FHL2: variants seen among roughly 807,000 people sequenced by gnomAD.
FHL2 encodes four and a half LIM domains 2, also known as four and a half LIM domains protein 2.
Under a neutral mutation model 32.7 loss-of-function variants are expected in FHL2, and 20 were observed. The ratio of observed to expected loss-of-function variants is 0.61; its 90% CI spans 0.43 to 0.89. FHL2 has a LOEUF of 0.89. Among genes scored for constraint, FHL2 ranks in the 40% least tolerant of loss-of-function variants. The probability of loss-of-function intolerance (pLI) is 0.00; values close to 1 mark genes in which losing one functional copy is unlikely to be tolerated. For missense variants in FHL2, 311 were observed against 358.6 expected (o/e 0.87, Z 1.07); for synonymous variants, 123 against 128.1 (o/e 0.96, Z 0.27).
intron 1 of FHL2, among the ~76,000 whole-genome samples, chr2:105,411,437 C>A (rs1683785172): frequency 1.3e-5 from 2 of 151,112 alleles, no homozygotes; most frequent in Admixed American, 1.3e-4. Context: ...GCTTGATAAA[C>A]CTTGTCTCTT....
At chr2:105,435,228 C>T (rs1684571053) in intron 1 of FHL2, among the ~76,000 whole-genome samples, 2 of 151,990 alleles carry the variant, frequency 1.3e-5, no homozygotes, top group South Asian at 4.1e-4. Flanking sequence ...TTTATTTAAC[C>T]ATACTTCACT....
chr2:105,373,954 A>C (rs1486757575), intron 3 of FHL2: 5 of 575,200 alleles, frequency 8.7e-6, no homozygotes, highest in Admixed American at 3.0e-5. Flanking sequence ...GGTTAGACAG[A>C]TGTGCATGTA....
chr2:105,418,756 G>A (rs1024045169), intron 1 of FHL2, among the ~76,000 whole-genome samples: 1 of 152,172 alleles, frequency 6.6e-6, no homozygotes, highest in Non-Finnish European at 1.5e-5. Flanking sequence ...CCACTGTGGG[G>A]CTGAAAATAG....
At chr2:105,370,715 A>C (rs1681002520) in intron 4 of FHL2, among the ~76,000 whole-genome samples, 1 of 152,198 alleles carries the variant, frequency 6.6e-6, no homozygotes, top group African/African-American at 2.4e-5. Context: ...CCAGGCAAGC[A>C]AGTGCTTTGA....
intron 1 of FHL2, among the ~76,000 whole-genome samples, chr2:105,422,736 G>C (rs925161103): frequency 6.6e-6 from 1 of 151,360 alleles, no homozygotes; most frequent in African/African-American, 2.4e-5. Flanking sequence ...TGCATCTTTA[G>C]GTTGATTTTT....
chr2:105,397,874 T>G (rs188242348), intron 1 of FHL2, among the ~76,000 whole-genome samples: 1 of 50,642 alleles, frequency 2.0e-5, no homozygotes, highest in African/African-American at 6.1e-5. Context: ...ATGGTTTTTG[T>G]TTTTTTGTTT....
At chr2:105,411,683 T>C (rs977199068) in intron 1 of FHL2, among the ~76,000 whole-genome samples, 4 of 150,096 alleles carry the variant, frequency 2.7e-5, no homozygotes, top group African/African-American at 9.8e-5. Flanking sequence ...CTACTCAAAA[T>C]ACAAAAATTA....
At chr2:105,397,821 A>G (rs1683240794) in intron 1 of FHL2, among the ~76,000 whole-genome samples, 1 of 152,164 alleles carries the variant, frequency 6.6e-6, no homozygotes, top group Non-Finnish European at 1.5e-5. Flanking sequence ...TTAAAGTTTA[A>G]TTGATAGACT....
At chr2:105,358,346 G>C (rs1396078151), downstream of FHL2, 1 of 152,390 alleles carries the variant, frequency 6.6e-6, no homozygotes, top group Non-Finnish European at 1.5e-5. Context: ...TGAGTGGGTT[G>C]ATAGCCGCTG....
In FHL2 at chr2:105,386,399, A is replaced by G; in HGVS notation, c.118T>C (p.Cys40Arg). 1 of 1,614,182 alleles carries G rather than the reference A, an allele frequency of 6.2e-7. No homozygotes were observed. Among genetic ancestry groups the G allele is most frequent in the Non-Finnish European group, 8.5e-7 (1 of 1,180,022 alleles). ...CCGATGGGCTTCCCACACTCCTCGC[A>G]GGTGTTGGCGAACAGGGTCTCAAAG... ...VCFETLFANT[C>R]EECGKPIGCD... The change falls in exon 3 of 7, where the codon TGC (cysteine) becomes CGC (arginine). Residue 40 changes from cysteine to arginine, a missense_variant. By Grantham distance (180) the Cys-to-Arg change is radical (BLOSUM62 -3). Coordinates refer to ENST00000530340, the MANE Select transcript of FHL2 (RefSeq NM_001318895.3).
rs533686224 is a variant in FHL2, at chr2:105,415,941, G to C, written c.-25+22458C>G. Among the ~76,000 whole-genome samples, 7 of 152,216 alleles carry C rather than the reference G, an allele frequency of 4.6e-5. No individual in the cohort carries two copies. In the East Asian group the frequency reaches 1.4e-3, roughly 29 times the overall value. On this transcript the variant is annotated intron_variant, in intron 1 of 5. Transcript: ENST00000393352. Reference sequence around the variant, plus strand: ...GTGTTTTATACAATAGGAATAGATGGGGAATATTAACAAGAATTGAAACTG... The same window carrying C: ...GTGTTTTATACAATAGGAATAGATGCGGAATATTAACAAGAATTGAAACTG...
intron 1 of FHL2, among the ~76,000 whole-genome samples, chr2:105,410,845 T>C (rs1683767477): frequency 1.3e-5 from 2 of 152,246 alleles, no homozygotes; most frequent in Non-Finnish European, 2.9e-5. Flanking sequence ...TTAGCAGTGC[T>C]GGACCTTGGA....
chr2:105,388,627 A>G (rs1682493236), intron 2 of FHL2, among the ~76,000 whole-genome samples: 2 of 151,480 alleles, frequency 1.3e-5, no homozygotes, highest in Admixed American at 6.6e-5. Flanking sequence ...GCTTGAGACC[A>G]GTCTGGCCAA....
At chr2:105,413,103 G>C (rs1295559598) in intron 1 of FHL2, among the ~76,000 whole-genome samples, 1 of 152,124 alleles carries the variant, frequency 6.6e-6, no homozygotes, top group Non-Finnish European at 1.5e-5. Context: ...CACGTTTCCT[G>C]GTTCCATCCC....
chr2:105,395,217 C>G (rs1558713288), intron 2 of FHL2, among the ~76,000 whole-genome samples: 1 of 152,228 alleles, frequency 6.6e-6, no homozygotes, highest in Non-Finnish European at 1.5e-5. Flanking sequence ...TCAATTGCAG[C>G]CATGCAGGAC....
At chr2:105,434,343 G>A (rs1408284850) in intron 1 of FHL2, among the ~76,000 whole-genome samples, 2 of 152,204 alleles carry the variant, frequency 1.3e-5, no homozygotes, top group African/African-American at 4.8e-5. Flanking sequence ...AGGCTGAGGT[G>A]GGCGGATCGC....
At position 105,373,567 on chromosome 2, in the gene FHL2, A is replaced by C; in HGVS notation, c.323T>G (p.Ile108Ser). 1 of 1,614,200 alleles carries C rather than the reference A, an allele frequency of 6.2e-7. No individual in the cohort carries two copies. The highest frequency in any genetic ancestry group is 8.5e-7 in the Non-Finnish European group (1 of 1,180,032). Residue 108 changes from isoleucine (I) to serine (S), a missense_variant, in exon 4 of 7, where the codon ATC becomes AGC. Coordinates refer to ENST00000530340, the MANE Select transcript of FHL2 (RefSeq NM_001318895.3). ...SSKCQECKKT[I>S]MPGTRKMEYK... ...AAGGAGTGCCTCCTGACCTGGCATG[A>C]TGGTCTTCTTGCATTCCTGGCACTT...
At chr2:105,403,501 G>A (rs1683535661), upstream of FHL2, among the ~76,000 whole-genome samples, 1 of 152,198 alleles carries the variant, frequency 6.6e-6, no homozygotes, top group Admixed American at 6.5e-5. Flanking sequence ...GGCACAGCTA[G>A]GAAGGGAGGA....
chr2:105,436,067 T>C (rs1684600098), intron 1 of FHL2, among the ~76,000 whole-genome samples: 1 of 152,212 alleles, frequency 6.6e-6, no homozygotes, highest in Non-Finnish European at 1.5e-5. Context: ...AATGTATCCA[T>C]TAAATTCAAA....
Sources: gnomAD v4.1 joint callset for allele counts (sites outside exome capture counted in the v4.1 genomes callset) on GRCh38, gnomAD v4.1.1 for gene constraint, MANE v1.5 for transcripts, NCBI Gene and HGNC (gene_info 2026-07-23, HGNC 2026-07-21) for gene names.